SSBP3: variants seen among roughly 807,000 people sequenced by gnomAD.
SSBP3 encodes the protein single stranded DNA binding protein 3.
Under a neutral mutation model 69.6 loss-of-function variants are expected in SSBP3, and 5 were observed. The observed-to-expected ratio is 0.07, with a 90% CI of 0.04 to 0.15. The LOEUF (loss-of-function observed/expected upper bound fraction) is 0.15. Among genes scored for constraint, SSBP3 ranks in the 10% least tolerant of loss-of-function variants. The probability of loss-of-function intolerance (pLI) is 1.00; values close to 1 mark genes in which losing one functional copy is unlikely to be tolerated. For missense variants in SSBP3, 312 were observed against 534.0 expected (o/e 0.58, Z 4.10); for synonymous variants, 196 against 193.4 (o/e 1.01, Z -0.11).
At chr1:54,298,757 G>A (rs1306641362) in intron 4 of SSBP3, among the ~76,000 whole-genome samples, 3 of 152,082 alleles carry the variant, frequency 2.0e-5, no homozygotes, top group South Asian at 2.1e-4. Context: ...GCTCTTCTCC[G>A]ATCCAGCTCC....
At chr1:54,323,103 A>G (rs1261513525) in intron 4 of SSBP3, among the ~76,000 whole-genome samples, 1 of 152,126 alleles carries the variant, frequency 6.6e-6, no homozygotes, top group African/African-American at 2.4e-5. Context: ...GGGTGAGGAG[A>G]GGTACAGGGC....
chr1:54,383,604 T>C (rs1647847346), intron 4 of SSBP3, among the ~76,000 whole-genome samples: 1 of 152,178 alleles, frequency 6.6e-6, no homozygotes, highest in Non-Finnish European at 1.5e-5. Context: ...TGTAGACTTG[T>C]ATGACCTGAT....
chr1:54,282,669 C>G (rs1645418702), intron 4 of SSBP3, among the ~76,000 whole-genome samples: 1 of 152,232 alleles, frequency 6.6e-6, no homozygotes, highest in South Asian at 2.1e-4. Context: ...ATCTGGGCCC[C>G]AGCCCTGAGG....
intron 6 of SSBP3, among the ~76,000 whole-genome samples, chr1:54,257,696 G>T (rs1644946622): frequency 6.6e-6 from 1 of 152,130 alleles, no homozygotes; most frequent in Admixed American, 6.5e-5. Flanking sequence ...CAGGGGAATG[G>T]CAGGAAAGCT....
At chr1:54,280,991 A>G (rs1020829912) in intron 5 of SSBP3, among the ~76,000 whole-genome samples, 2 of 152,156 alleles carry the variant, frequency 1.3e-5, no homozygotes, top group African/African-American at 4.8e-5. Flanking sequence ...GTGTTTTTTT[A>G]AGATTACGCC....
intron 4 of SSBP3, among the ~76,000 whole-genome samples, chr1:54,381,974 A>G (rs1647690165): frequency 1.3e-5 from 2 of 152,224 alleles, no homozygotes; most frequent in East Asian, 3.9e-4. Context: ...TGGGTGGATC[A>G]TCTGAAGTCA....
chr1:54,312,635 A>G (rs1246469724), intron 4 of SSBP3, among the ~76,000 whole-genome samples: 2 of 152,016 alleles, frequency 1.3e-5, no homozygotes, highest in African/African-American at 4.8e-5. Flanking sequence ...AGCCTCTACT[A>G]TGGGCCCAAA....
intron 4 of SSBP3, among the ~76,000 whole-genome samples, chr1:54,393,702 A>G (rs764721873): frequency 6.6e-6 from 1 of 152,238 alleles, no homozygotes; most frequent in Non-Finnish European, 1.5e-5. Context: ...GCTAGGCACT[A>G]TTATATATTG....
intron 10 of SSBP3, among the ~76,000 whole-genome samples, chr1:54,242,449 T>G (rs1644656461): frequency 6.6e-6 from 1 of 152,198 alleles, no homozygotes; most frequent in Non-Finnish European, 1.5e-5. Flanking sequence ...ATAAAAAATA[T>G]GTGAAATTCC....
At chr1:54,343,083 C>T (rs1447684642) in intron 4 of SSBP3, among the ~76,000 whole-genome samples, 3 of 152,194 alleles carry the variant, frequency 2.0e-5, no homozygotes, top group Non-Finnish European at 2.9e-5. Context: ...CGCCTCCACC[C>T]GCCTGCGAGC....
intron 3 of SSBP3, among the ~76,000 whole-genome samples, chr1:54,402,535 C>T (rs943996875): frequency 2.6e-5 from 4 of 151,994 alleles, no homozygotes; most frequent in African/African-American, 9.7e-5. Context: ...CACTCCCACC[C>T]AAGCCCTCCC....
chr1:54,225,614 T>TA, exon 18 of SSBP3: 1 of 393,500 alleles, frequency 2.5e-6, no homozygotes, highest in Non-Finnish European at 4.3e-6. Flanking sequence ...AGGCAGATGA[T>TA]ATCTCACATA....
chr1:54,304,410 G>A (rs933370813), intron 4 of SSBP3, among the ~76,000 whole-genome samples: 1 of 151,174 alleles, frequency 6.6e-6, no homozygotes, highest in African/African-American at 2.4e-5. Context: ...TGGGGGTGGG[G>A]AGGGGGGCTC....
intron 4 of SSBP3, among the ~76,000 whole-genome samples, chr1:54,317,394 G>A (rs997201508): frequency 2.0e-5 from 3 of 152,018 alleles, no homozygotes; most frequent in South Asian, 2.1e-4. Context: ...AAAATGAGCC[G>A]GGTGTGGTGG....
At chr1:54,349,471 G>A (rs756790745) in intron 4 of SSBP3, among the ~76,000 whole-genome samples, 1 of 152,244 alleles carries the variant, frequency 6.6e-6, no homozygotes, top group Non-Finnish European at 1.5e-5. Flanking sequence ...AGCATACTAT[G>A]AAGTTATGAA....
intron 9 of SSBP3, among the ~76,000 whole-genome samples, chr1:54,250,998 T>C (rs1644819379): frequency 1.3e-5 from 2 of 152,200 alleles, no homozygotes; most frequent in African/African-American, 4.8e-5. Context: ...CTGCCCTTTG[T>C]GGCAGCGGAG....
intron 4 of SSBP3, among the ~76,000 whole-genome samples, chr1:54,312,347 T>C (rs897324741): frequency 2.0e-5 from 3 of 151,412 alleles, no homozygotes; most frequent in African/African-American, 7.3e-5. Flanking sequence ...CCCAGCACTT[T>C]GGGAGGCTGA....
chr1:54,301,532 T>C (rs1645800716), intron 4 of SSBP3, among the ~76,000 whole-genome samples: 1 of 152,176 alleles, frequency 6.6e-6, no homozygotes, highest in South Asian at 2.1e-4. Flanking sequence ...CCCTTTCTTG[T>C]TTGGATAATG....
intron 4 of SSBP3, among the ~76,000 whole-genome samples, chr1:54,393,173 A>T (rs1337045176): frequency 6.6e-6 from 1 of 152,262 alleles, no homozygotes; most frequent in Admixed American, 6.5e-5. Context: ...GGCCAGGCAC[A>T]GGCCAGAAGC....
Sources: allele counts gnomAD v4.1 joint callset (sites outside exome capture counted in the v4.1 genomes callset), GRCh38; gene constraint gnomAD v4.1.1; transcripts MANE v1.5; gene names NCBI Gene and HGNC (gene_info 2026-07-23, HGNC 2026-07-21).